Variants in KDM6A observed in about 807,000 individuals in gnomAD.
The protein encoded by KDM6A is lysine demethylase 6A, also known as lysine-specific demethylase 6A.
Under a neutral mutation model 117.6 loss-of-function variants are expected in KDM6A, and 11 were observed. That is an observed-to-expected ratio of 0.09 (90% confidence interval 0.06 to 0.15). The LOEUF (loss-of-function observed/expected upper bound fraction) is 0.15, where lower values mean the gene tolerates loss of function less well. Among genes scored for constraint, KDM6A ranks in the 10% least tolerant of loss-of-function variants. The pLI is 1.00. For missense variants in KDM6A, 799 were observed against 1,077.3 expected (o/e 0.74, Z 3.62); for synonymous variants, 384 against 396.1 (o/e 0.97, Z 0.36).
chrX:45,088,746 T>C (rs1469704576), intron 25 of KDM6A, among the ~76,000 whole-genome samples: 1 of 113,166 alleles, frequency 8.8e-6, no homozygotes, highest in Non-Finnish European at 1.9e-5. Context: ...AAAGTTCTTT[T>C]ATGGGAAAGG....
intron 8 of KDM6A, among the ~76,000 whole-genome samples, chrX:45,046,365 C>A (rs1187263083): frequency 9.0e-6 from 1 of 111,593 alleles, no homozygotes; most frequent in Non-Finnish European, 1.9e-5. Context: ...TTCTAGAGAC[C>A]TTTTCACTAG....
At position 45,082,521 on chromosome X, in the gene KDM6A, A is replaced by G. The variant is rs1274713661; in HGVS notation, c.3301-55A>G. On this transcript the variant is annotated intron_variant, in intron 21 of 29. Transcript: ENST00000611820. The stretch of plus-strand genomic sequence containing the variant: ...GAACTTTTTTTCAGTTGTATGGTGG[A>G]AAGGATTGCCAGTTGTAGAACACTA... 5.1e-6 allele frequency: 4 copies of G among 783,184 alleles called. No homozygotes were observed. In the African/African-American group the frequency reaches 8.2e-5, roughly 16 times the overall value. The allele number at this position is 783,184 out of a possible 1,213,427, so 64.5% of individuals were successfully genotyped here.
intron 27 of KDM6A, among the ~76,000 whole-genome samples, chrX:45,098,222 C>G (rs1242435376): frequency 8.9e-6 from 1 of 112,302 alleles, no homozygotes; most frequent in Non-Finnish European, 1.9e-5. Flanking sequence ...TTGGCAATGA[C>G]TGCCAATGAG....
intron 2 of KDM6A, among the ~76,000 whole-genome samples, chrX:44,903,854 A>G (rs2034499578): frequency 8.9e-6 from 1 of 111,775 alleles, no homozygotes; most frequent in Non-Finnish European, 1.9e-5. Context: ...CTTGAGACAT[A>G]TTTTACTTTA....
intron 8 of KDM6A, among the ~76,000 whole-genome samples, chrX:45,041,651 A>C: frequency 9.4e-6 from 1 of 106,521 alleles, no homozygotes; most frequent in Non-Finnish European, 1.9e-5. Flanking sequence ...CTCTCAGACG[A>C]TGGGCGGCCG....
chrX:44,974,095 T>C (rs1602405864), intron 3 of KDM6A, among the ~76,000 whole-genome samples: 1 of 111,387 alleles, frequency 9.0e-6, no homozygotes, highest in Admixed American at 9.6e-5. Context: ...TATTTCATAA[T>C]TGGAATAATT....
rs187378105 is a variant in KDM6A at position 45,017,352 on chromosome X, T to C, written c.444-3258T>C. 8.9e-4 allele frequency among the ~76,000 whole-genome samples: 99 copies of C among 111,695 alleles called. 1 individual carries two copies. Among genetic ancestry groups the C allele is most frequent in the Admixed American group, 4.2e-3 (44 of 10,496 alleles). On this transcript the variant is annotated intron_variant, in intron 5 of 29. Transcript: ENST00000611820. ...CCATAGAGATCATGTTGTGGCCACC[T>C]GCATTTTGGTGAAATATGAATGCAG...
At chrX:45,102,208 G>A (rs1434414954) in intron 27 of KDM6A, among the ~76,000 whole-genome samples, 2 of 111,846 alleles carry the variant, frequency 1.8e-5, no homozygotes, top group African/African-American at 6.5e-5. Flanking sequence ...GAATCACCTG[G>A]AACTCTTATT....
intron 4 of KDM6A, among the ~76,000 whole-genome samples, chrX:45,005,131 G>A (rs750808126): frequency 2.7e-5 from 3 of 110,708 alleles, no homozygotes; most frequent in African/African-American, 9.9e-5. Context: ...TCTACCTCAC[G>A]CTGGAGTCCT....
chrX:45,007,971 A>T (rs2041581398), intron 4 of KDM6A, among the ~76,000 whole-genome samples: 1 of 112,000 alleles, frequency 8.9e-6, no homozygotes, highest in Admixed American at 9.5e-5. Flanking sequence ...ACTGTTACAT[A>T]ATAATGTCAG....
chrX:45,041,118 G>C (rs1267466182), intron 8 of KDM6A, among the ~76,000 whole-genome samples: 1 of 72,116 alleles, frequency 1.4e-5, no homozygotes, highest in Admixed American at 1.3e-4. Flanking sequence ...CTGGCCGGGC[G>C]GGGGGCTGAC....
At chrX:45,083,680 C>T (rs2045518486) in intron 24 of KDM6A, 72 bp downstream of exon 24, 1 of 919,510 alleles carries the variant, frequency 1.1e-6, no homozygotes. Flanking sequence ...GCAAAGACAG[C>T]CAGAATCTTG....
chrX:44,922,594 G>A (rs953129617), intron 2 of KDM6A, among the ~76,000 whole-genome samples: 1 of 111,135 alleles, frequency 9.0e-6, no homozygotes, highest in African/African-American at 3.3e-5. Context: ...TCAGCCTTCC[G>A]AGTAGCTGGG....
chrX:44,927,082 A>G lies in KDM6A; in HGVS notation c.226-34202A>G, dbSNP rs180849223. Among the ~76,000 whole-genome samples the G allele has an allele frequency of 3.9e-4, 43 of 111,448 alleles. No individual in the cohort carries two copies. In the East Asian group the frequency reaches 0.012, roughly 30 times the overall value. ...TATTATCATTGCATTTTAAAATTTC[A>G]CTTACAGGGCTGCCTCCCACCCCCG... On this transcript the variant is annotated intron_variant, in intron 2 of 29. Transcript: ENST00000611820.
chrX:45,087,345 G>C (rs891592917), intron 25 of KDM6A, among the ~76,000 whole-genome samples: 9 of 112,967 alleles, frequency 8.0e-5, no homozygotes, highest in Middle Eastern at 4.7e-3. Context: ...TAAATATTTG[G>C]ATTTAGTAAG....
At chrX:45,022,053 T>C (rs1476739411) in intron 6 of KDM6A, among the ~76,000 whole-genome samples, 1 of 112,442 alleles carries the variant, frequency 8.9e-6, no homozygotes, top group African/African-American at 3.2e-5. Flanking sequence ...CTTATTATGT[T>C]GCAGAAGTGT....
intron 6 of KDM6A, among the ~76,000 whole-genome samples, chrX:45,025,691 G>T (rs1305867480): frequency 1.8e-5 from 2 of 111,986 alleles, no homozygotes; most frequent in Admixed American, 1.9e-4. Context: ...GTCAGTTAAT[G>T]CCTGTGCATC....
intron 21 of KDM6A, among the ~76,000 whole-genome samples, chrX:45,081,891 G>A (rs1265106729): frequency 2.7e-5 from 3 of 109,848 alleles, no homozygotes; most frequent in Admixed American, 9.7e-5. Flanking sequence ...CCATTCTCCT[G>A]CCTCAGCCTC....
chrX:44,897,172 TG>T (rs2033951446), intron 2 of KDM6A, among the ~76,000 whole-genome samples: 1 of 106,869 alleles, frequency 9.4e-6, no homozygotes. Context: ...TTTTCTCTCT[TG>T]TTTAGATTGA....
Sources: allele counts gnomAD v4.1 joint callset (sites outside exome capture counted in the v4.1 genomes callset), GRCh38; gene constraint gnomAD v4.1.1; transcripts MANE v1.5; gene names NCBI Gene and HGNC (gene_info 2026-07-23, HGNC 2026-07-21).